Variants in TMEM51 observed in about 807,000 individuals in gnomAD.
The protein encoded by TMEM51 is transmembrane protein 51.
TMEM51 carries 8 observed loss-of-function variants against 13.6 expected under a neutral mutation model. The observed-to-expected ratio is 0.59, with a 90% CI of 0.35 to 1.07. The LOEUF (loss-of-function observed/expected upper bound fraction) is 1.07. Ranked by LOEUF, TMEM51 falls within the 50% of genes least tolerant of loss-of-function variation. The pLI, the probability that TMEM51 is intolerant of heterozygous loss-of-function variation, is 0.02. For missense variants in TMEM51, 279 were observed against 330.7 expected, an observed-to-expected ratio of 0.84 and a Z score of 1.21; for synonymous variants, 147 against 144.4, an observed-to-expected ratio of 1.02 and a Z score of -0.13.
intron 1 of TMEM51, among the ~76,000 whole-genome samples, chr1:15,173,322 C>A (rs573847862): frequency 3.0e-4 from 44 of 148,464 alleles, no homozygotes; most frequent in Non-Finnish European, 1.2e-4. Context: ...CAGGTTCAAG[C>A]GATTCTCCCG....
chr1:15,181,247 G>C (rs1324102849), intron 1 of TMEM51, among the ~76,000 whole-genome samples: 1 of 152,198 alleles, frequency 6.6e-6, no homozygotes, highest in Non-Finnish European at 1.5e-5. Flanking sequence ...CCTGAACACT[G>C]TAAACCTTTT....
chr1:15,203,093 C>G (rs1354332796), intron 1 of TMEM51, among the ~76,000 whole-genome samples: 1 of 152,206 alleles, frequency 6.6e-6, no homozygotes, highest in Non-Finnish European at 1.5e-5. Context: ...TTTATGGTCC[C>G]TGAAAAGTGC....
upstream of TMEM51, chr1:15,152,797 C>A (rs1221230413): frequency 2.0e-5 from 3 of 152,208 alleles, no homozygotes; most frequent in East Asian, 1.9e-4. Context: ...GAGAGGCTTC[C>A]GCGCCGACTT....
chr1:15,212,672 C>G (rs1644360525), intron 2 of TMEM51, among the ~76,000 whole-genome samples: 1 of 152,234 alleles, frequency 6.6e-6, no homozygotes, highest in Non-Finnish European at 1.5e-5. Context: ...CTTCCTTTTG[C>G]CAGCCATGAG....
At chr1:15,169,686 C>G (rs1352858493) in intron 1 of TMEM51, among the ~76,000 whole-genome samples, 3 of 152,114 alleles carry the variant, frequency 2.0e-5, no homozygotes, top group Non-Finnish European at 4.4e-5. Flanking sequence ...ATGGTTTCTA[C>G]AAGGTTATAC....
At chr1:15,184,309 ACC>A in intron 1 of TMEM51, among the ~76,000 whole-genome samples, 1 of 152,096 alleles carries the variant, frequency 6.6e-6, no homozygotes, top group Non-Finnish European at 1.5e-5. Flanking sequence ...ACAGGTGTGA[ACC>A]ACCACGCCTG....
chr1:15,189,986 G>C (rs1417372464), intron 1 of TMEM51, among the ~76,000 whole-genome samples: 1 of 152,224 alleles, frequency 6.6e-6, no homozygotes, highest in East Asian at 1.9e-4. Context: ...GCTACTGACG[G>C]CCTGGGACAA....
chr1:15,206,313 C>A (rs1474677741), intron 1 of TMEM51, among the ~76,000 whole-genome samples: 2 of 150,368 alleles, frequency 1.3e-5, no homozygotes, highest in African/African-American at 4.9e-5. Context: ...CACCCCCTCA[C>A]ACTTTTGTCC....
chr1:15,181,600 G>A (rs1643618026), intron 1 of TMEM51, among the ~76,000 whole-genome samples: 1 of 152,148 alleles, frequency 6.6e-6, no homozygotes, highest in Non-Finnish European at 1.5e-5. Flanking sequence ...CTAAGTAAAC[G>A]ATGAGCTTCC....
At chr1:15,203,036 GGC>G (rs1348988537) in intron 1 of TMEM51, among the ~76,000 whole-genome samples, 1 of 152,126 alleles carries the variant, frequency 6.6e-6, no homozygotes, top group Non-Finnish European at 1.5e-5. Flanking sequence ...CTGTCTGCAG[GGC>G]ATTGGGTCAA....
chr1:15,176,051 T>C (rs1245694071), intron 1 of TMEM51, among the ~76,000 whole-genome samples: 1 of 152,234 alleles, frequency 6.6e-6, no homozygotes. Context: ...CCAGACATCT[T>C]GTGATAGGTT....
chr1:15,212,852 C>G (rs1437964828), intron 2 of TMEM51, among the ~76,000 whole-genome samples: 1 of 152,248 alleles, frequency 6.6e-6, no homozygotes, highest in African/African-American at 2.4e-5. Context: ...CACGCATGCA[C>G]ATGTGCTCAT....
intron 1 of TMEM51, among the ~76,000 whole-genome samples, chr1:15,167,341 A>G (rs1186468160): frequency 6.8e-6 from 1 of 146,106 alleles, no homozygotes; most frequent in Non-Finnish European, 1.5e-5. Context: ...AAAAAAAAAA[A>G]AAAAAAAAAA....
chr1:15,209,819 G>A (rs147585732), intron 1 of TMEM51, among the ~76,000 whole-genome samples: 4 of 152,268 alleles, frequency 2.6e-5, no homozygotes, highest in Non-Finnish European at 5.9e-5. Flanking sequence ...ATCTCCTGAG[G>A]TCAGGAGTTC....
At chr1:15,219,262 C>A in intron 3 of TMEM51, 64 bp from the exon 4 acceptor site, 1 of 1,508,370 alleles carries the variant, frequency 6.6e-7, no homozygotes, top group South Asian at 1.3e-5. Flanking sequence ...GAGCCCATCC[C>A]TTTGGGATTT....
At chr1:15,191,373 C>T (rs1643917730) in intron 1 of TMEM51, among the ~76,000 whole-genome samples, 1 of 152,224 alleles carries the variant, frequency 6.6e-6, no homozygotes, top group Admixed American at 6.5e-5. Flanking sequence ...TGGCAGTTTG[C>T]TATATCAGAA....
At chr1:15,188,889 T>C (rs1643864082) in intron 1 of TMEM51, among the ~76,000 whole-genome samples, 1 of 152,110 alleles carries the variant, frequency 6.6e-6, no homozygotes, top group South Asian at 2.1e-4. Flanking sequence ...ACAAAGATGA[T>C]GTTTGTTGAA....
rs549064122 is a variant in TMEM51 at position 15,191,857 on chromosome 1, A to C, written c.-266-18633A>C. ...CAGTGCCAGCTATTAAACAGCCAGAAAGCTACAGTAATTGACTTACGTGAC... is the reference window on the plus strand; with the variant it reads ...CAGTGCCAGCTATTAAACAGCCAGACAGCTACAGTAATTGACTTACGTGAC... On this transcript the variant is annotated intron_variant, in intron 1 of 3. Transcript: ENST00000376008. The C allele has an allele frequency of 1.1e-4, 51 of 461,438 alleles. 1 individual carries two copies. The highest frequency in any genetic ancestry group is 1.9e-4 in the Non-Finnish European group (45 of 232,576). 28.6% of individuals were successfully genotyped at this position (461,438 alleles called of 1,614,324 possible). A position where few individuals can be genotyped will look rare whatever the true frequency, so the allele number is the denominator to read the frequency against.
rs571402557 is a variant in TMEM51 at position 15,175,715 on chromosome 1, A to C, written c.-267+21761A>C. Among the ~76,000 whole-genome samples, 15 of 152,372 alleles carry C rather than the reference A, an allele frequency of 9.8e-5. No individual in the cohort carries two copies. The East Asian group carries it at 2.7e-3, about 27-fold the overall frequency. ...GGCAGGCAAGAGACAGAGCTTGTGC[A>C]GGGGAACTGCCATTTATAAAACCAT... On this transcript the variant is annotated intron_variant, in intron 1 of 3. Transcript: ENST00000376008.
Sources: gnomAD v4.1 joint callset for allele counts (sites outside exome capture counted in the v4.1 genomes callset) on GRCh38, gnomAD v4.1.1 for gene constraint, MANE v1.5 for transcripts, NCBI Gene and HGNC (gene_info 2026-07-23, HGNC 2026-07-21) for gene names.